Variants in ZNF618 observed in about 807,000 individuals in gnomAD.
The protein encoded by ZNF618 is zinc finger protein 618, also known as neural precursor cell expressed, developmentally down-regulated 10.
A neutral mutation model predicts 103.0 loss-of-function variants in ZNF618; 34 were observed. That is an observed-to-expected ratio of 0.33 (90% CI 0.25 to 0.44). The LOEUF (loss-of-function observed/expected upper bound fraction) is 0.44. ZNF618 is among the 20% of genes least tolerant of loss of function. ZNF618 has a pLI of 1.00. For synonymous variants in ZNF618, 551 were observed against 542.2 expected, an observed-to-expected ratio of 1.02 and a Z score of -0.23; for missense variants, 1,059 against 1,295.4, an observed-to-expected ratio of 0.82 and a Z score of 2.80.
intron 13 of ZNF618, among the ~76,000 whole-genome samples, chr9:114,044,459 C>T (rs34247146): frequency 0.16 from 23,859 of 151,958 alleles, 2,473 homozygotes; most frequent in Middle Eastern, 0.35. Context: ...TAGTATAGTT[C>T]GAAGTCCGGT....
chr9:114,015,997 A>C (rs1245877921), intron 9 of ZNF618: 2 of 922,544 alleles, frequency 2.2e-6, no homozygotes, highest in Admixed American at 2.2e-5. Context: ...GGACCAGGGC[A>C]CCCTCCCCCA....
intron 9 of ZNF618, among the ~76,000 whole-genome samples, chr9:114,010,954 T>C (rs765152906): frequency 6.6e-6 from 1 of 152,174 alleles, no homozygotes; most frequent in Non-Finnish European, 1.5e-5. Flanking sequence ...GAGTATCCCA[T>C]AAGTTGCGGA....
chr9:113,936,129 G>A (rs1170938103), intron 1 of ZNF618, among the ~76,000 whole-genome samples: 1 of 152,162 alleles, frequency 6.6e-6, no homozygotes, highest in Non-Finnish European at 1.5e-5. Context: ...GCCACAGGCT[G>A]GGATTCCTTG....
At chr9:113,946,467 T>TG (rs1351294142) in intron 1 of ZNF618, among the ~76,000 whole-genome samples, 1 of 150,166 alleles carries the variant, frequency 6.7e-6, no homozygotes, top group Non-Finnish European at 1.5e-5. Context: ...TCCAAGGAAA[T>TG]GGGGAGTCCT....
At chr9:113,955,469 C>T (rs1410724476) in intron 1 of ZNF618, among the ~76,000 whole-genome samples, 1 of 152,110 alleles carries the variant, frequency 6.6e-6, no homozygotes, top group East Asian at 1.9e-4. Flanking sequence ...TCCTTTCCAG[C>T]TGTGAGAGGA....
intron 6 of ZNF618, among the ~76,000 whole-genome samples, chr9:114,004,196 C>G (rs548232748): frequency 4.6e-5 from 7 of 152,220 alleles, no homozygotes; most frequent in African/African-American, 1.7e-4. Context: ...TCATCCACTC[C>G]GTTTGGATTC....
intron 1 of ZNF618, among the ~76,000 whole-genome samples, chr9:113,908,567 G>T (rs572665004): frequency 2.6e-5 from 4 of 152,004 alleles, no homozygotes; most frequent in Non-Finnish European, 4.4e-5. Context: ...ATTTTTGTGG[G>T]TCTCTAAAAG....
chr9:113,911,944 A>G (rs1028649503), intron 1 of ZNF618, among the ~76,000 whole-genome samples: 1 of 152,188 alleles, frequency 6.6e-6, no homozygotes, highest in Non-Finnish European at 1.5e-5. Context: ...GATCACCCAG[A>G]CCACTTCTTT....
At chr9:114,043,550 A>G (rs989235733) in intron 13 of ZNF618, among the ~76,000 whole-genome samples, 5 of 152,182 alleles carry the variant, frequency 3.3e-5, no homozygotes, top group African/African-American at 4.8e-5. Context: ...CATTTCTCCA[A>G]AGAAAGATAT....
At chr9:114,029,266 G>A (rs537758814) in intron 11 of ZNF618, among the ~76,000 whole-genome samples, 18 of 152,228 alleles carry the variant, frequency 1.2e-4, no homozygotes, top group African/African-American at 3.9e-4. Flanking sequence ...GGCCTGAGGG[G>A]CCTGTTTTGA....
At chr9:113,898,332 G>A (rs1830216568) in intron 1 of ZNF618, among the ~76,000 whole-genome samples, 1 of 151,624 alleles carries the variant, frequency 6.6e-6, no homozygotes, top group African/African-American at 2.4e-5. Context: ...CCCCCTGTTT[G>A]CCTCATTTAT....
intron 1 of ZNF618, among the ~76,000 whole-genome samples, chr9:113,929,711 G>A (rs1399142782): frequency 6.6e-6 from 1 of 152,196 alleles, no homozygotes; most frequent in African/African-American, 2.4e-5. Context: ...CAGCTTTATA[G>A]TGGGGATAAG....
intron 9 of ZNF618, 43 bp from the exon 10 acceptor site, chr9:114,016,652 G>T: frequency 6.6e-7 from 1 of 1,521,000 alleles, no homozygotes. Context: ...TCTTGGTGGA[G>T]GCCAGTTGCA....
intron 1 of ZNF618, among the ~76,000 whole-genome samples, chr9:113,881,854 G>A (rs1396683966): frequency 1.3e-5 from 2 of 152,166 alleles, no homozygotes; most frequent in African/African-American, 4.8e-5. Context: ...TTGTCCCAAC[G>A]CAGACTTCTG....
At chr9:113,916,289 A>C (rs1297042238) in intron 1 of ZNF618, among the ~76,000 whole-genome samples, 1 of 152,214 alleles carries the variant, frequency 6.6e-6, no homozygotes, top group Non-Finnish European at 1.5e-5. Flanking sequence ...TCAGGCCCAG[A>C]AAACGAAACA....
intron 2 of ZNF618, among the ~76,000 whole-genome samples, chr9:113,977,706 T>A (rs949567524): frequency 2.6e-5 from 4 of 152,168 alleles, no homozygotes; most frequent in African/African-American, 7.2e-5. Flanking sequence ...CTGTTTAAAA[T>A]GCCATTAACA....
chr9:114,032,357 T>C (rs974351891), intron 11 of ZNF618, among the ~76,000 whole-genome samples: 1 of 152,180 alleles, frequency 6.6e-6, no homozygotes, highest in East Asian at 1.9e-4. Context: ...TCAGGCCCAT[T>C]TGCCATCTGC....
At chr9:114,011,739 A>G (rs539691273) in intron 9 of ZNF618, among the ~76,000 whole-genome samples, 2 of 152,262 alleles carry the variant, frequency 1.3e-5, no homozygotes, top group Non-Finnish European at 2.9e-5. Flanking sequence ...CACCTTTCAC[A>G]TCAGCATCAG....
intron 10 of ZNF618, among the ~76,000 whole-genome samples, chr9:114,023,612 T>G (rs1843250026): frequency 6.6e-6 from 1 of 152,202 alleles, no homozygotes; most frequent in Non-Finnish European, 1.5e-5. Flanking sequence ...TCATTTTCTT[T>G]AATTCTTGAA....
Sources: gnomAD v4.1 joint callset for allele counts (sites outside exome capture counted in the v4.1 genomes callset) on GRCh38, gnomAD v4.1.1 for gene constraint, MANE v1.5 for transcripts, NCBI Gene and HGNC (gene_info 2026-07-23, HGNC 2026-07-21) for gene names.